Variants in AKAP13 observed in about 807,000 individuals in gnomAD.
AKAP13 encodes A-kinase anchoring protein 13.
In AKAP13, 80 loss-of-function variants were observed where a neutral mutation model predicts 264.5. The observed-to-expected ratio is 0.30, with a 90% CI of 0.25 to 0.36. The LOEUF is 0.36. AKAP13 is among the 10% of genes least tolerant of loss of function. AKAP13 has a pLI of 1.00. For synonymous variants in AKAP13, 1,380 were observed against 1,250.2 expected (o/e 1.10, Z -2.19); for missense variants, 3,712 against 3,435.2 (o/e 1.08, Z -2.01).
intron 5 of AKAP13, among the ~76,000 whole-genome samples, chr15:85,545,309 C>A (rs2077699272): frequency 6.6e-6 from 1 of 152,204 alleles, no homozygotes; most frequent in South Asian, 2.1e-4. Context: ...AATGCATTTC[C>A]TCTAAATTTG....
At chr15:85,722,673 G>C (rs1464949028) in intron 25 of AKAP13, among the ~76,000 whole-genome samples, 1 of 151,674 alleles carries the variant, frequency 6.6e-6, no homozygotes, top group Non-Finnish European at 1.5e-5. Context: ...CACTTAATCA[G>C]TAATTACTGG....
chr15:85,633,878 T>A (rs542381635), intron 8 of AKAP13, among the ~76,000 whole-genome samples: 1 of 152,210 alleles, frequency 6.6e-6, no homozygotes, highest in African/African-American at 2.4e-5. Flanking sequence ...GTTGTTTCAA[T>A]TCTTTGAAAG....
chr15:85,732,831 A>G (rs1236979834), intron 30 of AKAP13, among the ~76,000 whole-genome samples: 2 of 151,164 alleles, frequency 1.3e-5, no homozygotes, highest in African/African-American at 2.4e-5. Context: ...ACTAATTACT[A>G]TTGCTAATAC....
At chr15:85,653,840 A>C (rs558511285) in intron 10 of AKAP13, among the ~76,000 whole-genome samples, 1 of 152,194 alleles carries the variant, frequency 6.6e-6, no homozygotes, top group Non-Finnish European at 1.5e-5. Context: ...AGTATGATCA[A>C]ACATCTCTTA....
intron 8 of AKAP13, among the ~76,000 whole-genome samples, chr15:85,612,116 A>G (rs558503040): frequency 5.3e-5 from 8 of 152,334 alleles, no homozygotes; most frequent in African/African-American, 1.7e-4. Flanking sequence ...GAGTTGTACT[A>G]TACAGTCCCA....
chr15:85,743,494 T>C lies in AKAP13; in HGVS notation c.8061T>C (p.Val2687=). The change falls in exon 36 of 37, where the codon GTT becomes GTC. Residue 2687 remains valine, a splice_region_variant and synonymous_variant. Coordinates refer to ENST00000394518, the MANE Select transcript of AKAP13 (RefSeq NM_007200.5). ...ACCCTTCTCTTGAATATGTACAGGT[T>C]TCCCATCCACATACCAAGCTGATGA... ...QRQTERDLCQ[V]SHPHTKLMRI... is the part of the protein sequence containing the mutation. 3 of 1,613,090 alleles carry C rather than the reference T, an allele frequency of 1.9e-6. No individual in the cohort carries two copies. The African/African-American group carries it at 4.0e-5, about 22-fold the overall frequency.
chr15:85,658,582 TAGG>T lies in AKAP13; in HGVS notation c.4794_4796del (p.Arg1599del). 2 of 1,613,766 alleles carry T rather than the reference TAGG, an allele frequency of 1.2e-6. No individual in the cohort carries two copies. Among genetic ancestry groups the T allele is most frequent in the Non-Finnish European group, 1.7e-6 (2 of 1,179,788 alleles). On this transcript the variant is annotated inframe_deletion, in exon 12 of 37. Coordinates refer to ENST00000394518, the MANE Select transcript of AKAP13 (RefSeq NM_007200.5). Reference sequence around the variant, plus strand: ...ATGTTGTCAGGAGACCTCCCATTCATAGGAGAAGGTACAGAGTTCATTAACTTG... The same window carrying T: ...ATGTTGTCAGGAGACCTCCCATTCATAGAAGGTACAGAGTTCATTAACTTG...
chr15:85,674,552 A>T (rs1040575137), intron 14 of AKAP13, among the ~76,000 whole-genome samples: 1 of 152,202 alleles, frequency 6.6e-6, no homozygotes, highest in African/African-American at 2.4e-5. Flanking sequence ...TGCTTATGGC[A>T]TGTGAGTTTG....
chr15:85,705,121 G>A (rs1246532670), intron 17 of AKAP13, among the ~76,000 whole-genome samples: 2 of 152,188 alleles, frequency 1.3e-5, no homozygotes, highest in Admixed American at 6.5e-5. Context: ...TATGTGAAAA[G>A]TTCTTTACTA....
chr15:85,553,454 GT>G (rs2078035152), intron 5 of AKAP13, among the ~76,000 whole-genome samples: 1 of 152,156 alleles, frequency 6.6e-6, no homozygotes, highest in African/African-American at 2.4e-5. Context: ...AAGATAAAAT[GT>G]TCTTCCTAAG....
chr15:85,514,843 G>GTTT (rs34275462), intron 2 of AKAP13, among the ~76,000 whole-genome samples: 1 of 124,788 alleles, frequency 8.0e-6, no homozygotes, highest in Admixed American at 8.2e-5. Context: ...ATTTTGAGGG[G>GTTT]TTTTTTTTTT....
At chr15:85,673,748 C>T (rs1445290712) in intron 14 of AKAP13, among the ~76,000 whole-genome samples, 3 of 122,994 alleles carry the variant, frequency 2.4e-5, no homozygotes, top group Admixed American at 1.1e-4. Context: ...TGCAGTGGCA[C>T]GATCTTGGCT....
chr15:85,541,412 C>T (rs2077577502), intron 4 of AKAP13, among the ~76,000 whole-genome samples: 1 of 151,980 alleles, frequency 6.6e-6, no homozygotes, highest in Non-Finnish European at 1.5e-5. Context: ...TGGCTATTTG[C>T]TGTGTGATTC....
At position 85,440,723 on chromosome 15, in the gene AKAP13, T is replaced by A. The variant is rs188648769; in HGVS notation, c.-11-44987T>A. ...ACACTTTCCTTTTTGCTATGAAAGC[T>A]GCTTTCTCAGAGCCATCCAGTTACT... On this transcript the variant is annotated intron_variant, in intron 1 of 36. Transcript: ENST00000394518. Among the ~76,000 whole-genome samples, 6 of 152,344 alleles carry A rather than the reference T, an allele frequency of 3.9e-5. No individual in the cohort carries two copies. In the East Asian group the frequency reaches 1.2e-3, roughly 29 times the overall value.
chr15:85,705,480 G>T (rs1325617614), intron 17 of AKAP13, among the ~76,000 whole-genome samples: 1 of 151,930 alleles, frequency 6.6e-6, no homozygotes, highest in East Asian at 1.9e-4. Flanking sequence ...TTTTTAACTG[G>T]ATTATAAGAC....
intron 5 of AKAP13, among the ~76,000 whole-genome samples, chr15:85,561,934 G>C (rs1337240610): frequency 1.3e-5 from 2 of 152,156 alleles, no homozygotes; most frequent in African/African-American, 2.4e-5. Context: ...AGTTTCGTCT[G>C]TCTGCATTCT....
rs144929107 is a variant in AKAP13 at position 85,569,529 on chromosome 15, T to C, written c.663-5602T>C. On this transcript the variant is annotated intron_variant, in intron 5 of 36. Transcript: ENST00000394518. ...GTGCAATGCATCGATCTCGGCTCAC[T>C]GCAACCTCTGCCTCCCGGGTTCAGG... is the stretch of plus-strand genomic sequence containing the variant. 8.3e-3 allele frequency among the ~76,000 whole-genome samples: 1,231 copies of C among 149,182 alleles called. 7 individuals carry two copies. Among genetic ancestry groups the C allele is most frequent in the South Asian group, 0.014 (67 of 4,674 alleles).
intron 1 of AKAP13, among the ~76,000 whole-genome samples, chr15:85,400,420 A>T (rs1246355188): frequency 2.0e-5 from 3 of 152,160 alleles, no homozygotes; most frequent in Non-Finnish European, 4.4e-5. Context: ...CTAAAAAAAA[A>T]ATTAAAAAAC....
chr15:85,429,782 G>A (rs564444311), intron 1 of AKAP13, among the ~76,000 whole-genome samples: 1 of 152,302 alleles, frequency 6.6e-6, no homozygotes, highest in South Asian at 2.1e-4. Context: ...GTAGGGTGGC[G>A]CAGGAATCTG....
Sources: gnomAD v4.1 joint callset for allele counts (sites outside exome capture counted in the v4.1 genomes callset) on GRCh38, gnomAD v4.1.1 for gene constraint, MANE v1.5 for transcripts, NCBI Gene and HGNC (gene_info 2026-07-23, HGNC 2026-07-21) for gene names.